GALNTL6: variants seen among roughly 807,000 people sequenced by gnomAD.
GALNTL6 encodes polypeptide N-acetylgalactosaminyltransferase-like 6.
In GALNTL6, 46 loss-of-function variants were observed where a neutral mutation model predicts 73.7. The observed-to-expected ratio is 0.62, with a 90% CI of 0.49 to 0.80. The LOEUF (loss-of-function observed/expected upper bound fraction) is 0.80, where lower values mean the gene tolerates loss of function less well. Ranked by LOEUF, GALNTL6 falls within the 30% of genes least tolerant of loss-of-function variation. GALNTL6 has a pLI of 0.00. For synonymous variants in GALNTL6, 259 were observed against 263.7 expected, an observed-to-expected ratio of 0.98 and a Z score of 0.17; for missense variants, 604 against 755.0, an observed-to-expected ratio of 0.80 and a Z score of 2.34.
chr4:172,457,215 A>G (rs975723421), intron 5 of GALNTL6, among the ~76,000 whole-genome samples: 18 of 145,252 alleles, frequency 1.2e-4, no homozygotes, highest in Non-Finnish European at 2.1e-4. Flanking sequence ...CTAAATATGG[A>G]AAAAAAAAAA....
chr4:173,026,688 C>T (rs1380521774), intron 12 of GALNTL6, among the ~76,000 whole-genome samples: 1 of 152,120 alleles, frequency 6.6e-6, no homozygotes, highest in Non-Finnish European at 1.5e-5. Context: ...GAGTCTTTTG[C>T]CCATTTTCAA....
chr4:172,050,501 C>T (rs1730824224), intron 2 of GALNTL6, among the ~76,000 whole-genome samples: 2 of 152,104 alleles, frequency 1.3e-5, no homozygotes, highest in South Asian at 2.1e-4. Flanking sequence ...CTTGTGGCTC[C>T]TGGATGTGGC....
At chr4:172,087,446 A>T (rs565263240) in intron 2 of GALNTL6, among the ~76,000 whole-genome samples, 1 of 143,246 alleles carries the variant, frequency 7.0e-6, no homozygotes, top group Non-Finnish European at 1.5e-5. Flanking sequence ...CTCCATCCCA[A>T]AAAAAAAAAA....
intron 3 of GALNTL6, among the ~76,000 whole-genome samples, chr4:172,272,291 T>G (rs1269813207): frequency 1.3e-5 from 2 of 152,162 alleles, no homozygotes; most frequent in Non-Finnish European, 2.9e-5. Context: ...TAATATATAT[T>G]AGTACAGTCA....
chr4:171,988,852 T>G, intron 2 of GALNTL6, among the ~76,000 whole-genome samples: 1 of 151,260 alleles, frequency 6.6e-6, no homozygotes, highest in Non-Finnish European at 1.5e-5. Flanking sequence ...AAGGAGGGAG[T>G]AGAGGTGTCT....
chr4:172,069,609 A>ATATGTTATATATATATAACACATATATGT (rs1553989844), intron 2 of GALNTL6, among the ~76,000 whole-genome samples: 1 of 95,052 alleles, frequency 1.1e-5, no homozygotes, highest in African/African-American at 4.1e-5. Flanking sequence ...TATATGTTAT[A>ATATGTTATATATATATAACACATATATGT]TATATATAAC....
intron 10 of GALNTL6, among the ~76,000 whole-genome samples, chr4:172,982,214 C>T (rs1751097256): frequency 6.6e-6 from 1 of 152,224 alleles, no homozygotes; most frequent in East Asian, 1.9e-4. Flanking sequence ...TCCACAAGCT[C>T]ACTGCCCTTC....
chr4:172,656,606 A>G (rs1243851274), intron 5 of GALNTL6, among the ~76,000 whole-genome samples: 1 of 152,194 alleles, frequency 6.6e-6, no homozygotes, highest in Non-Finnish European at 1.5e-5. Context: ...TCTGTTTCTC[A>G]AAGGAACACA....
chr4:171,996,296 C>T (rs1740481021), intron 2 of GALNTL6, among the ~76,000 whole-genome samples: 1 of 152,056 alleles, frequency 6.6e-6, no homozygotes, highest in Non-Finnish European at 1.5e-5. Flanking sequence ...AGCAGTAGCT[C>T]CATTTTCCGA....
intron 5 of GALNTL6, among the ~76,000 whole-genome samples, chr4:172,515,029 C>G (rs990441323): frequency 1.3e-5 from 2 of 152,174 alleles, no homozygotes; most frequent in African/African-American, 4.8e-5. Context: ...GTATGTCCCT[C>G]TGGTATTTCT....
chr4:172,102,248 A>G (rs1424035216), intron 2 of GALNTL6, among the ~76,000 whole-genome samples: 1 of 152,220 alleles, frequency 6.6e-6, no homozygotes, highest in African/African-American at 2.4e-5. Context: ...TGTCTTCACC[A>G]GCAGCTTCTC....
At chr4:172,180,025 T>C (rs915033647) in intron 2 of GALNTL6, among the ~76,000 whole-genome samples, 3 of 152,204 alleles carry the variant, frequency 2.0e-5, no homozygotes, top group African/African-American at 7.2e-5. Flanking sequence ...CGCCACACTG[T>C]CTTCCACAAT....
chr4:172,714,837 A>C (rs1734965481), intron 5 of GALNTL6, among the ~76,000 whole-genome samples: 1 of 152,136 alleles, frequency 6.6e-6, no homozygotes, highest in Non-Finnish European at 1.5e-5. Flanking sequence ...CTTTATGATA[A>C]ACACTTGCCA....
intron 2 of GALNTL6, among the ~76,000 whole-genome samples, chr4:172,144,433 A>G (rs959134332): frequency 6.6e-6 from 1 of 152,204 alleles, no homozygotes; most frequent in Non-Finnish European, 1.5e-5. Flanking sequence ...TCTGAGCACC[A>G]TTTCTAGGAA....
intron 2 of GALNTL6, among the ~76,000 whole-genome samples, chr4:172,022,802 T>G (rs1291259908): frequency 6.6e-6 from 1 of 152,054 alleles, no homozygotes; most frequent in Non-Finnish European, 1.5e-5. Context: ...TCAGACAACC[T>G]GACATTATTA....
intron 9 of GALNTL6, among the ~76,000 whole-genome samples, chr4:172,939,944 C>G (rs1392520103): frequency 6.6e-6 from 1 of 152,094 alleles, no homozygotes; most frequent in Non-Finnish European, 1.5e-5. Flanking sequence ...AATTTTTAAA[C>G]TATATATTTT....
intron 5 of GALNTL6, among the ~76,000 whole-genome samples, chr4:172,604,781 C>T (rs1474918518): frequency 6.6e-6 from 1 of 152,126 alleles, no homozygotes; most frequent in Non-Finnish European, 1.5e-5. Context: ...TCCTTGGAAG[C>T]TTCAGTGGCC....
chr4:172,679,578 T>G (rs1296326051), intron 5 of GALNTL6, among the ~76,000 whole-genome samples: 2 of 152,216 alleles, frequency 1.3e-5, no homozygotes, highest in African/African-American at 4.8e-5. Context: ...CTATACACTA[T>G]CTCTGCAAAT....
At chr4:172,644,167 CAT>C (rs1242023833) in intron 5 of GALNTL6, among the ~76,000 whole-genome samples, 1 of 151,794 alleles carries the variant, frequency 6.6e-6, no homozygotes. Context: ...AAAATGCACA[CAT>C]CTTTATTGAG....
Sources: allele counts gnomAD v4.1 joint callset (sites outside exome capture counted in the v4.1 genomes callset), GRCh38; gene constraint gnomAD v4.1.1; transcripts MANE v1.5; gene names NCBI Gene and HGNC (gene_info 2026-07-23, HGNC 2026-07-21).